The following FBXL17 variants were observed in gnomAD, a reference collection of about 807,000 sequenced individuals.
FBXL17 encodes F-box/LRR-repeat protein 17.
FBXL17 carries 22 observed loss-of-function variants against 66.2 expected under a neutral mutation model. The ratio of observed to expected loss-of-function variants is 0.33; its 90% confidence interval spans 0.24 to 0.47. FBXL17 has a LOEUF of 0.47. Among genes scored for constraint, FBXL17 ranks in the 20% least tolerant of loss-of-function variants. The pLI, the probability that FBXL17 is intolerant of heterozygous loss-of-function variation, is 1.00. For missense variants in FBXL17, 878 were observed against 948.2 expected, an observed-to-expected ratio of 0.93 and a Z score of 0.97; for synonymous variants, 474 against 400.5, an observed-to-expected ratio of 1.18 and a Z score of -2.19.
intron 4 of FBXL17, among the ~76,000 whole-genome samples, chr5:108,280,833 C>T (rs933498983): frequency 6.6e-6 from 1 of 151,176 alleles, no homozygotes; most frequent in Non-Finnish European, 1.5e-5. Context: ...AGAGATATTC[C>T]ACACAAACGT....
chr5:107,927,174 T>TAC (rs1198612576), intron 7 of FBXL17, among the ~76,000 whole-genome samples: 7 of 152,160 alleles, frequency 4.6e-5, no homozygotes, highest in Non-Finnish European at 1.0e-4. Context: ...TTTAAAATGT[T>TAC]AAAGGTTAAT....
At chr5:108,275,595 G>C (rs1757452371) in intron 4 of FBXL17, among the ~76,000 whole-genome samples, 1 of 152,122 alleles carries the variant, frequency 6.6e-6, no homozygotes, top group Non-Finnish European at 1.5e-5. Context: ...TGCTACCTGT[G>C]TCAAGAACTA....
chr5:108,109,561 C>T lies in FBXL17; in HGVS notation c.1745+76556G>A, dbSNP rs923730211. 5.3e-5 allele frequency among the ~76,000 whole-genome samples: 8 copies of T among 152,200 alleles called. No homozygotes were observed. The East Asian group carries it at 1.5e-3, about 29-fold the overall frequency. On this transcript the variant is annotated intron_variant, in intron 6 of 8. Transcript: ENST00000542267. ...AGGTTTTAATTTCCTTATGAAAGCCCCTATGTCACATAAAACTTATATTTA... is the reference window on the plus strand; with the variant it reads ...AGGTTTTAATTTCCTTATGAAAGCCTCTATGTCACATAAAACTTATATTTA...
At chr5:108,322,854 T>C (rs1759680623) in intron 4 of FBXL17, among the ~76,000 whole-genome samples, 1 of 151,868 alleles carries the variant, frequency 6.6e-6, no homozygotes, top group Non-Finnish European at 1.5e-5. Context: ...GCAAGACTCC[T>C]GGAAAAAAAG....
At chr5:108,046,304 T>C (rs555923773) in intron 6 of FBXL17, among the ~76,000 whole-genome samples, 2 of 152,290 alleles carry the variant, frequency 1.3e-5, no homozygotes, top group South Asian at 4.1e-4. Flanking sequence ...TCTTTTCCTA[T>C]CCTTTAACTT....
intron 6 of FBXL17, among the ~76,000 whole-genome samples, chr5:108,042,714 A>C (rs1476399791): frequency 6.6e-6 from 1 of 152,192 alleles, no homozygotes; most frequent in African/African-American, 2.4e-5. Context: ...AGCTTCTATA[A>C]ATATTTGTGT....
At chr5:108,316,793 T>C (rs1759385298) in intron 4 of FBXL17, among the ~76,000 whole-genome samples, 1 of 151,044 alleles carries the variant, frequency 6.6e-6, no homozygotes, top group African/African-American at 2.4e-5. Context: ...TATGGGAAAT[T>C]ATACTGTTGA....
chr5:107,996,175 G>C (rs186042812), intron 7 of FBXL17, among the ~76,000 whole-genome samples: 223 of 152,132 alleles, frequency 1.5e-3, no homozygotes, highest in African/African-American at 5.3e-3. Flanking sequence ...ATATCACTCT[G>C]CCTTGCTGAG....
intron 6 of FBXL17, among the ~76,000 whole-genome samples, chr5:108,066,648 T>C (rs1158389051): frequency 6.6e-6 from 1 of 152,030 alleles, no homozygotes; most frequent in Non-Finnish European, 1.5e-5. Context: ...GTTCTTTTCA[T>C]AATGTATCAT....
chr5:108,366,887 A>C (rs1437032856), intron 2 of FBXL17, among the ~76,000 whole-genome samples: 1 of 152,178 alleles, frequency 6.6e-6, no homozygotes, highest in African/African-American at 2.4e-5. Flanking sequence ...ACACACAAAC[A>C]CATACACTAC....
intron 6 of FBXL17, among the ~76,000 whole-genome samples, chr5:108,175,928 T>A (rs572282240): frequency 6.6e-6 from 1 of 152,304 alleles, no homozygotes; most frequent in South Asian, 2.1e-4. Flanking sequence ...ATTGTCAGAT[T>A]TAATCACCTT....
chr5:108,060,649 A>C (rs1747883503), intron 6 of FBXL17, among the ~76,000 whole-genome samples: 1 of 152,046 alleles, frequency 6.6e-6, no homozygotes, highest in South Asian at 2.1e-4. Context: ...CAGTATATTT[A>C]AATCTCTCAG....
intron 6 of FBXL17, among the ~76,000 whole-genome samples, chr5:108,059,471 G>T (rs894404189): frequency 2.6e-5 from 4 of 152,128 alleles, no homozygotes; most frequent in African/African-American, 9.7e-5. Context: ...CTTGACAATG[G>T]TGCCTCAGCA....
intron 7 of FBXL17, among the ~76,000 whole-genome samples, chr5:107,941,409 T>A (rs887339836): frequency 4.6e-5 from 7 of 152,310 alleles, no homozygotes; most frequent in Admixed American, 3.9e-4. Context: ...CAGAATACCC[T>A]CGGCTGAGTT....
At chr5:108,088,700 CAAAAAAAAAAAAAAAAAAAAAAAAAA>C (rs57707936) in intron 6 of FBXL17, among the ~76,000 whole-genome samples, 4 of 49,300 alleles carry the variant, frequency 8.1e-5, no homozygotes, top group South Asian at 1.2e-3. Flanking sequence ...GACTCTATCT[CAAAAAAAAAAAAAAAAAAAAAAAAAA>C]AAAAAAAAAA....
intron 4 of FBXL17, among the ~76,000 whole-genome samples, chr5:108,232,804 T>TATATATATATATATATAA (rs1252750270): frequency 8.9e-6 from 1 of 112,038 alleles, no homozygotes; most frequent in African/African-American, 3.9e-5. Context: ...TATATATATA[T>TATATATATATATATATAA]AATATATACT....
At position 107,860,211 on chromosome 5, in the gene FBXL17, C is replaced by T. The variant is rs912718678; in HGVS notation, c.*1509G>A. 6.6e-6 allele frequency: 1 copy of T among 152,534 alleles called. No homozygotes were observed. 9.4% of individuals were successfully genotyped at this position (152,534 alleles called of 1,614,324 possible). The stretch of plus-strand genomic sequence containing the variant: ...TTTCTTACAGCTAATGTCATGTTAG[C>T]AATGTGAGACTTAAAGAAAGTGAAA... On this transcript the variant is annotated 3_prime_UTR_variant, in exon 9 of 9. Coordinates refer to ENST00000542267, the MANE Select transcript of FBXL17 (RefSeq NM_001163315.3).
chr5:108,350,067 C>T (rs547875292), intron 3 of FBXL17, among the ~76,000 whole-genome samples: 2 of 152,184 alleles, frequency 1.3e-5, no homozygotes, highest in South Asian at 4.1e-4. Context: ...TTAAAAGAGG[C>T]ATATATATTT....
At chr5:108,095,779 G>C (rs1347676170) in intron 6 of FBXL17, among the ~76,000 whole-genome samples, 1 of 152,050 alleles carries the variant, frequency 6.6e-6, no homozygotes, top group African/African-American at 2.4e-5. Context: ...GTTTTCAACA[G>C]AACAAAATGA....
Sources: gnomAD v4.1 joint callset for allele counts (sites outside exome capture counted in the v4.1 genomes callset) on GRCh38, gnomAD v4.1.1 for gene constraint, MANE v1.5 for transcripts, NCBI Gene and HGNC (gene_info 2026-07-23, HGNC 2026-07-21) for gene names.